PARD3: variants seen among roughly 807,000 people sequenced by gnomAD.
The protein encoded by PARD3 is par-3 family cell polarity regulator, also known as partitioning defective 3 homolog.
PARD3 carries 75 observed loss-of-function variants against 155.4 expected under a neutral mutation model. The ratio of observed to expected loss-of-function variants is 0.48; its 90% CI spans 0.40 to 0.58. The LOEUF (loss-of-function observed/expected upper bound fraction) is 0.58, where lower values mean the gene tolerates loss of function less well. PARD3 is among the 20% of genes least tolerant of loss of function. The probability of loss-of-function intolerance (pLI) is 0.00; values close to 1 mark genes in which losing one functional copy is unlikely to be tolerated. For missense variants in PARD3, 1,642 were observed against 1,721.7 expected, an observed-to-expected ratio of 0.95 and a Z score of 0.82; for synonymous variants, 576 against 610.5, an observed-to-expected ratio of 0.94 and a Z score of 0.83.
chr10:34,341,957 G>A (rs1421800415), intron 15 of PARD3, 141 bp from the exon 16 acceptor site: 1 of 540,564 alleles, frequency 1.8e-6, no homozygotes, highest in Non-Finnish European at 3.2e-6. Flanking sequence ...ACAGAATTTA[G>A]CACATTTATT....
rs397846339 is a variant in PARD3 at position 34,687,846 on chromosome 10, CTTTTTT to C, written c.222+8466_222+8471del. Among the ~76,000 whole-genome samples the C allele has an allele frequency of 3.8e-4, 24 of 63,714 alleles. No individual in the cohort carries two copies. In the East Asian group the frequency reaches 7.3e-3, roughly 19 times the overall value. The allele number at this position is 63,714 out of a possible 152,430, so 41.8% of individuals were successfully genotyped here. ...ATGCCCGGTCAGTTACACCTGAAAT[CTTTTTT>C]TTTTTTTTTTTTTTTTTTTTGAGAC... On this transcript the variant is annotated intron_variant, in intron 2 of 24. Transcript: ENST00000374788.
At chr10:34,322,778 T>C (rs1958455913) in intron 19 of PARD3, among the ~76,000 whole-genome samples, 1 of 152,196 alleles carries the variant, frequency 6.6e-6, no homozygotes, top group South Asian at 2.1e-4. Context: ...AAGGACTGAA[T>C]AAGCAGCCAA....
chr10:34,677,381 G>A (rs966702509), intron 2 of PARD3, among the ~76,000 whole-genome samples: 24 of 151,830 alleles, frequency 1.6e-4, no homozygotes, highest in African/African-American at 5.6e-4. Flanking sequence ...TTGAGAGGCT[G>A]AGGTGGGAGG....
chr10:34,683,297 A>G (rs2093881409), intron 2 of PARD3, among the ~76,000 whole-genome samples: 1 of 152,088 alleles, frequency 6.6e-6, no homozygotes, highest in Non-Finnish European at 1.5e-5. Flanking sequence ...CTACACTCAC[A>G]GTTTAGGTGA....
At chr10:34,650,049 G>C (rs2092958700) in intron 2 of PARD3, among the ~76,000 whole-genome samples, 1 of 152,212 alleles carries the variant, frequency 6.6e-6, no homozygotes, top group African/African-American at 2.4e-5. Flanking sequence ...ACATGGAGCT[G>C]CCATCTTCTG....
chr10:34,265,192 G>A lies in PARD3; in HGVS notation c.3419+4465C>T, dbSNP rs183246693. On this transcript the variant is annotated intron_variant, in intron 22 of 24. Coordinates refer to ENST00000374788, the MANE Select transcript of PARD3 (RefSeq NM_001184785.2). Reference sequence around the variant, plus strand: ...AATAAACAGTAGTAACAGTGACACTGTGACTATAGCCTACAGTTCATGTTA... The same window carrying A: ...AATAAACAGTAGTAACAGTGACACTATGACTATAGCCTACAGTTCATGTTA... 3.3e-5 allele frequency among the ~76,000 whole-genome samples: 5 copies of A among 152,300 alleles called. No individual in the cohort carries two copies. The East Asian group carries it at 9.6e-4, about 29-fold the overall frequency.
intron 9 of PARD3, 21 bp from the exon 10 acceptor site, chr10:34,378,127 A>G: frequency 1.3e-6 from 2 of 1,546,590 alleles, no homozygotes; most frequent in Non-Finnish European, 1.7e-6. Context: ...GAAGGAGAAG[A>G]AAAGTAAATA....
At chr10:34,510,702 A>G (rs1489172717) in intron 3 of PARD3, among the ~76,000 whole-genome samples, 3 of 152,126 alleles carry the variant, frequency 2.0e-5, no homozygotes, top group Middle Eastern at 3.4e-3. Flanking sequence ...ATTTTTTTTT[A>G]AAGTACCTTT....
intron 3 of PARD3, among the ~76,000 whole-genome samples, chr10:34,479,247 C>T (rs569720700): frequency 4.0e-5 from 6 of 151,438 alleles, no homozygotes; most frequent in South Asian, 2.1e-4. Context: ...CTGCAAGCTC[C>T]ACCTCCCGGG....
chr10:34,261,372 A>C (rs1397484443), intron 22 of PARD3, among the ~76,000 whole-genome samples: 3 of 152,160 alleles, frequency 2.0e-5, no homozygotes. Context: ...CCTATAGGAA[A>C]AGAAACTTTC....
chr10:34,226,154 T>C lies in PARD3; in HGVS notation c.3419+43503A>G, dbSNP rs112297773. Among the ~76,000 whole-genome samples, 1,480 of 152,084 alleles carry C rather than the reference T, an allele frequency of 9.7e-3. 24 individuals are homozygous for C. Among genetic ancestry groups the C allele is most frequent in the African/African-American group, 0.034 (1,402 of 41,488 alleles). ...ATAGTTTACCAAAAAAGAAAGAAAA[T>C]AGGCTATTAATCAAACAAAAAGATG... On this transcript the variant is annotated intron_variant, in intron 22 of 24. Transcript: ENST00000374788.
chr10:34,448,255 A>C (rs1326538959), intron 5 of PARD3, among the ~76,000 whole-genome samples: 1 of 152,022 alleles, frequency 6.6e-6, no homozygotes, highest in Middle Eastern at 3.2e-3. Flanking sequence ...CCTAAAGGGC[A>C]TTATGCTAAA....
At position 34,814,972 on chromosome 10, in the gene PARD3, T is replaced by G. The variant is rs771958692; in HGVS notation, c.24A>C (p.Gly8=). 30 of 1,543,364 alleles carry G rather than the reference T, an allele frequency of 1.9e-5. No homozygotes were observed. The highest frequency in any genetic ancestry group is 1.9e-4 in the Middle Eastern group (1 of 5,330). MKVTVCF[G]RTRVVVPCGD... is the part of the protein sequence containing the mutation. ...CGCACGGCACGACCACCCGGGTCCG[T>G]CCGAAGCACACGGTCACTTTCATGC... Residue 8 remains glycine, a synonymous_variant, in exon 1 of 25, where the codon GGA becomes GGC. Transcript: ENST00000374788.
chr10:34,409,923 C>T (rs1490509231), intron 5 of PARD3, among the ~76,000 whole-genome samples: 2 of 151,996 alleles, frequency 1.3e-5, no homozygotes, highest in Non-Finnish European at 1.5e-5. Context: ...ATAAAAAACA[C>T]GGATTTTGCA....
intron 7 of PARD3, among the ~76,000 whole-genome samples, chr10:34,396,442 CG>C (rs1397756235): frequency 3.3e-5 from 5 of 152,146 alleles, no homozygotes; most frequent in Non-Finnish European, 7.3e-5. Flanking sequence ...AACTCTCTAA[CG>C]TTAACTTCAC....
At chr10:34,213,357 T>C (rs1951846025) in intron 22 of PARD3, among the ~76,000 whole-genome samples, 1 of 152,214 alleles carries the variant, frequency 6.6e-6, no homozygotes, top group African/African-American at 2.4e-5. Context: ...TGGGAGGGCA[T>C]TAATCTATTC....
At chr10:34,164,330 A>C (rs1222170738) in intron 22 of PARD3, among the ~76,000 whole-genome samples, 2 of 152,248 alleles carry the variant, frequency 1.3e-5, no homozygotes, top group African/African-American at 4.8e-5. Flanking sequence ...ACTTCTGCAA[A>C]GGGCAACTGT....
intron 22 of PARD3, among the ~76,000 whole-genome samples, chr10:34,198,699 G>A (rs1360891740): frequency 3.3e-5 from 5 of 152,052 alleles, no homozygotes; most frequent in Admixed American, 2.6e-4. Flanking sequence ...GTCAACTGAA[G>A]TGCACCCTGA....
At chr10:34,707,253 A>G (rs996967943) in intron 1 of PARD3, among the ~76,000 whole-genome samples, 7 of 151,698 alleles carry the variant, frequency 4.6e-5, no homozygotes, top group Non-Finnish European at 8.8e-5. Flanking sequence ...TCAAAAAAAA[A>G]AAAAGAAAAG....
Sources: allele counts gnomAD v4.1 joint callset (sites outside exome capture counted in the v4.1 genomes callset), GRCh38; gene constraint gnomAD v4.1.1; transcripts MANE v1.5; gene names NCBI Gene and HGNC (gene_info 2026-07-23, HGNC 2026-07-21).